PHF14: variants seen among roughly 807,000 people sequenced by gnomAD.
The protein encoded by PHF14 is PHD finger protein 14.
PHF14 carries 55 observed loss-of-function variants against 117.9 expected under a neutral mutation model. The ratio of observed to expected loss-of-function variants is 0.47; its 90% CI spans 0.38 to 0.58. The LOEUF (loss-of-function observed/expected upper bound fraction) is 0.58, where lower values mean the gene tolerates loss of function less well. Among genes scored for constraint, PHF14 ranks in the 20% least tolerant of loss-of-function variants. The pLI is 0.00. For missense variants in PHF14, 978 were observed against 1,122.2 expected, an observed-to-expected ratio of 0.87 and a Z score of 1.84; for synonymous variants, 409 against 368.6, an observed-to-expected ratio of 1.11 and a Z score of -1.26.
At chr7:11,127,160 T>C (rs1383841700) in intron 17 of PHF14, among the ~76,000 whole-genome samples, 2 of 151,972 alleles carry the variant, frequency 1.3e-5, no homozygotes, top group African/African-American at 4.8e-5. Context: ...TCAAATCTTC[T>C]ATTCTCAGCA....
chr7:11,161,778 A>G (rs1253186507), intron 17 of PHF14, among the ~76,000 whole-genome samples: 1 of 117,984 alleles, frequency 8.5e-6, no homozygotes, highest in Non-Finnish European at 1.8e-5. Context: ...ACATTTTTAG[A>G]TATTATTTTT....
intron 17 of PHF14, among the ~76,000 whole-genome samples, chr7:11,147,067 G>A (rs917085280): frequency 1.3e-5 from 2 of 152,004 alleles, no homozygotes; most frequent in East Asian, 1.9e-4. Flanking sequence ...GGCTGGTCTC[G>A]AACTCCTTGA....
chr7:11,132,541 G>A (rs766344759), intron 17 of PHF14, among the ~76,000 whole-genome samples: 10 of 151,924 alleles, frequency 6.6e-5, no homozygotes, highest in South Asian at 6.2e-4. Context: ...TGTGAATAAT[G>A]CTGCAGTGAA....
At chr7:11,039,470 G>A (rs1400490061) in intron 11 of PHF14, among the ~76,000 whole-genome samples, 1 of 151,870 alleles carries the variant, frequency 6.6e-6, no homozygotes, top group Non-Finnish European at 1.5e-5. Flanking sequence ...ATTGTTAGAT[G>A]GATTTCTTTG....
At chr7:11,093,583 T>C (rs1333945336) in intron 16 of PHF14, among the ~76,000 whole-genome samples, 1 of 152,240 alleles carries the variant, frequency 6.6e-6, no homozygotes, top group Non-Finnish European at 1.5e-5. Flanking sequence ...TGTATGCCTG[T>C]GCTACTGAAG....
chr7:11,120,973 A>G (rs928452097), intron 17 of PHF14, among the ~76,000 whole-genome samples: 1 of 152,156 alleles, frequency 6.6e-6, no homozygotes, highest in Admixed American at 6.6e-5. Context: ...TTCTTTGTCA[A>G]GGTCATTAAA....
At chr7:11,071,950 A>G (rs1005029236) in intron 16 of PHF14, among the ~76,000 whole-genome samples, 4 of 152,216 alleles carry the variant, frequency 2.6e-5, no homozygotes, top group Non-Finnish European at 5.9e-5. Context: ...ATTCTATTAC[A>G]TTTCAAAGTG....
chr7:11,111,367 T>G lies in PHF14; in HGVS notation c.2672T>G (p.Leu891Arg). Reference protein sequence around the residue: ...ENLVRCDECRLCYHFGCLDPP... With the variant: ...ENLVRCDECRRCYHFGCLDPP... ...CCCTGCAGGTGTGATGAATGCAGAC[T>G]CTGCTACCATTTTGGCTGTTTGGAT... The change falls in exon 17 of 18, where the codon CTC (leucine) becomes CGC (arginine). Residue 891 changes from leucine (L) to arginine (R), a missense_variant. Around this residue, in one of 7 missense-constraint regions of PHF14, gnomAD observed 180 missense variants for 195.4 expected, o/e 0.92. Transcript: ENST00000634607. 6.3e-7 allele frequency: 1 copy of G among 1,596,272 alleles called. No homozygotes were observed.
rs569372069 is a variant in PHF14 at position 11,065,470 on chromosome 7, T to C, written c.2654+3385T>C. ...CATAAGTAATGACTGAGTATTCTTT[T>C]GCTGAATTAATAAAAACTGTCACTA... On this transcript the variant is annotated intron_variant, in intron 16 of 17. Coordinates refer to ENST00000634607, the MANE Select transcript of PHF14 (RefSeq NM_001007157.2). Among the ~76,000 whole-genome samples, 22 of 152,278 alleles carry C rather than the reference T, an allele frequency of 1.4e-4. No homozygotes were observed. The South Asian group carries it at 2.7e-3, about 19-fold the overall frequency.
intron 17 of PHF14, among the ~76,000 whole-genome samples, chr7:11,156,852 A>C (rs1308621563): frequency 6.6e-6 from 1 of 152,160 alleles, no homozygotes; most frequent in South Asian, 2.1e-4. Flanking sequence ...TTTCCAAAGC[A>C]TATAGTCCTT....
Position 10,982,357 on chromosome 7 carries a change from T to A in PHF14, c.113-15T>A. 6.7e-7 allele frequency: 1 copy of A among 1,502,482 alleles called. No individual in the cohort carries two copies. Among genetic ancestry groups the A allele is most frequent in the South Asian group, 1.4e-5 (1 of 72,790 alleles). 93.1% of individuals were successfully genotyped at this position (1,502,482 alleles called of 1,614,324 possible). A position where few individuals can be genotyped will look rare whatever the true frequency, so the allele number is the denominator to read the frequency against. ...ATACATATGTGTGGTTTTTTTTTTC[T>A]CATATTTTCAACAGATTCTGAAGGG... is the stretch of plus-strand genomic sequence containing the variant. On this transcript the variant is annotated splice_polypyrimidine_tract_variant and intron_variant, in intron 2 of 17. Coordinates refer to ENST00000634607, the MANE Select transcript of PHF14 (RefSeq NM_001007157.2).
At chr7:11,051,584 A>C in intron 13 of PHF14, 28 bp from the exon 14 acceptor site, 1 of 1,580,590 alleles carries the variant, frequency 6.3e-7, no homozygotes, top group Non-Finnish European at 8.6e-7. Context: ...TAATAAATGC[A>C]TGACTTAAAT....
intron 16 of PHF14, among the ~76,000 whole-genome samples, chr7:11,081,596 A>G (rs891386242): frequency 6.6e-6 from 1 of 152,176 alleles, no homozygotes; most frequent in Non-Finnish European, 1.5e-5. Flanking sequence ...GTGACCCACA[A>G]CTGTAATCCC....
intron 17 of PHF14, among the ~76,000 whole-genome samples, chr7:11,145,069 C>G (rs1788506844): frequency 6.6e-6 from 1 of 151,774 alleles, no homozygotes; most frequent in Non-Finnish European, 1.5e-5. Context: ...TACCTCTGAA[C>G]TGTATACTTA....
Position 11,042,823 on chromosome 7 carries a change from A to G in PHF14, c.2312+9A>G. ...ACCAAAAACAGTTATTGGTGAGTAA[A>G]ATAGAGGAGATTTAGATGTTTGAAT... On this transcript the variant is annotated intron_variant, in intron 13 of 17. Transcript: ENST00000634607. 6.5e-7 allele frequency: 1 copy of G among 1,546,204 alleles called. No homozygotes were observed. The highest frequency in any genetic ancestry group is 8.8e-7 in the Non-Finnish European group (1 of 1,136,202).
intron 5 of PHF14, among the ~76,000 whole-genome samples, chr7:11,016,876 C>T (rs1041449109): frequency 1.3e-5 from 2 of 152,104 alleles, no homozygotes; most frequent in Non-Finnish European, 2.9e-5. Flanking sequence ...TCCCACCTCC[C>T]CCCACCATTT....
chr7:10,993,536 G>A (rs1419908767), intron 4 of PHF14, among the ~76,000 whole-genome samples: 2 of 152,188 alleles, frequency 1.3e-5, no homozygotes, highest in Non-Finnish European at 2.9e-5. Context: ...ATATGAAATA[G>A]AATGTACACA....
intron 16 of PHF14, among the ~76,000 whole-genome samples, chr7:11,077,190 C>G (rs184985440): frequency 8.7e-4 from 132 of 151,686 alleles, no homozygotes; most frequent in Admixed American, 2.9e-3. Flanking sequence ...TCTTAAAGAT[C>G]AACACATATT....
intron 17 of PHF14, among the ~76,000 whole-genome samples, chr7:11,120,880 C>G (rs1394336831): frequency 6.6e-6 from 1 of 152,064 alleles, no homozygotes; most frequent in Non-Finnish European, 1.5e-5. Context: ...CATACGGAAA[C>G]TTGTTTTTTA....
Sources: allele counts gnomAD v4.1 joint callset (sites outside exome capture counted in the v4.1 genomes callset), GRCh38; gene constraint gnomAD v4.1.1; regional missense constraint gnomAD v4.1.1; transcripts MANE v1.5; gene names NCBI Gene and HGNC (gene_info 2026-07-23, HGNC 2026-07-21).